Variants in MDGA2 observed in about 807,000 individuals in gnomAD.
MDGA2 encodes the protein MAM domain containing glycosylphosphatidylinositol anchor 2, also known as MAM domain-containing glycosylphosphatidylinositol anchor protein 2.
A neutral mutation model predicts 117.8 loss-of-function variants in MDGA2; 40 were observed. That is an observed-to-expected ratio of 0.34 (90% CI 0.26 to 0.44). The LOEUF (loss-of-function observed/expected upper bound fraction) is 0.44. Ranked by LOEUF, MDGA2 falls within the 20% of genes least tolerant of loss-of-function variation. The probability of loss-of-function intolerance (pLI) is 1.00; values close to 1 mark genes in which losing one functional copy is unlikely to be tolerated. For synonymous variants in MDGA2, 452 were observed against 439.0 expected (o/e 1.03, Z -0.37); for missense variants, 1,123 against 1,250.6 (o/e 0.90, Z 1.54).
intron 1 of MDGA2, among the ~76,000 whole-genome samples, chr14:47,658,000 C>A (rs879516107): frequency 6.6e-6 from 1 of 152,084 alleles, no homozygotes. Context: ...ATGTAGGGTA[C>A]CTGTGCTTCC....
intron 2 of MDGA2, among the ~76,000 whole-genome samples, chr14:47,236,227 CT>C (rs1418681664): frequency 7.2e-6 from 1 of 138,174 alleles, no homozygotes; most frequent in Non-Finnish European, 1.5e-5. Flanking sequence ...GGAGGCGGAG[CT>C]TGCAGTGAGC....
intron 8 of MDGA2, among the ~76,000 whole-genome samples, chr14:47,005,367 C>T (rs756830664): frequency 1.3e-5 from 2 of 151,522 alleles, no homozygotes; most frequent in Non-Finnish European, 3.0e-5. Flanking sequence ...TTGAAAGAAG[C>T]ATACGGATTT....
intron 7 of MDGA2, among the ~76,000 whole-genome samples, chr14:47,044,676 T>C (rs929175050): frequency 2.6e-5 from 4 of 152,166 alleles, no homozygotes; most frequent in East Asian, 3.8e-4. Flanking sequence ...ACCTCACACA[T>C]AGTAAATCAG....
chr14:47,312,677 G>GTTTTTTTT (rs202227321), intron 1 of MDGA2, among the ~76,000 whole-genome samples: 15 of 126,766 alleles, frequency 1.2e-4, no homozygotes, highest in African/African-American at 4.5e-4. Flanking sequence ...CTAGTTTTTA[G>GTTTTTTTT]TTTTTTTTTT....
intron 1 of MDGA2, among the ~76,000 whole-genome samples, chr14:47,531,760 T>C (rs1230825660): frequency 6.6e-6 from 1 of 152,218 alleles, no homozygotes; most frequent in African/African-American, 2.4e-5. Context: ...ATTTACCCTT[T>C]GAAATTAAGG....
chr14:47,583,178 G>A (rs1214593478), intron 1 of MDGA2, among the ~76,000 whole-genome samples: 1 of 151,866 alleles, frequency 6.6e-6, no homozygotes, highest in Non-Finnish European at 1.5e-5. Flanking sequence ...AACAGACAAT[G>A]TGCAAGTAAA....
At chr14:46,985,732 C>T (rs748687033) in intron 8 of MDGA2, among the ~76,000 whole-genome samples, 3 of 152,096 alleles carry the variant, frequency 2.0e-5, no homozygotes, top group Non-Finnish European at 2.9e-5. Flanking sequence ...AGGACGGTAA[C>T]ATCTACTGAT....
chr14:47,232,517 T>C (rs1273624524), intron 2 of MDGA2, among the ~76,000 whole-genome samples: 3 of 152,090 alleles, frequency 2.0e-5, no homozygotes, highest in East Asian at 3.9e-4. Context: ...TTGTCTGCAA[T>C]TGAACCCTGA....
Position 47,068,866 on chromosome 14 carries a change from G to A in MDGA2, c.1196-7288C>T, listed in dbSNP as rs192754304. Among the ~76,000 whole-genome samples, 811 of 152,152 alleles carry A rather than the reference G, an allele frequency of 5.3e-3. 3 individuals carry two copies. The highest frequency in any genetic ancestry group is 8.2e-3 in the Non-Finnish European group (557 of 67,994). ...AGACTAACTTAATCTAAAATCTTTC[G>A]TTACCTTTCTTGAGCTTTTTTGTTT... On this transcript the variant is annotated intron_variant, in intron 6 of 16. Transcript: ENST00000399232.
intron 9 of MDGA2, among the ~76,000 whole-genome samples, chr14:46,942,687 A>T (rs1159196841): frequency 6.6e-6 from 1 of 152,024 alleles, no homozygotes; most frequent in African/African-American, 2.4e-5. Context: ...GGTTCTTTTC[A>T]CTCGACATTG....
chr14:46,905,103 G>A (rs1166348886), intron 10 of MDGA2, among the ~76,000 whole-genome samples: 2 of 152,150 alleles, frequency 1.3e-5, no homozygotes, highest in Non-Finnish European at 2.9e-5. Context: ...GTACCTAGAT[G>A]ATTATCTTTT....
At chr14:47,665,947 C>T (rs112912008) in intron 1 of MDGA2, among the ~76,000 whole-genome samples, 25,017 of 151,094 alleles carry the variant, frequency 0.17, 2,121 homozygotes, top group East Asian at 0.25. Flanking sequence ...GGAGTGCGGG[C>T]GCACCACACA....
At chr14:47,268,086 T>A (rs908464841) in intron 2 of MDGA2, among the ~76,000 whole-genome samples, 5 of 152,030 alleles carry the variant, frequency 3.3e-5, no homozygotes, top group Admixed American at 6.6e-5. Context: ...TTTTTTTTTT[T>A]TTTGAGACAG....
At chr14:47,169,532 T>A (rs1884033821) in intron 3 of MDGA2, among the ~76,000 whole-genome samples, 1 of 151,962 alleles carries the variant, frequency 6.6e-6, no homozygotes, top group Non-Finnish European at 1.5e-5. Flanking sequence ...TATTTATTGG[T>A]AACCAGTAAT....
chr14:46,956,234 T>C (rs1414118590), intron 9 of MDGA2, among the ~76,000 whole-genome samples: 2 of 152,122 alleles, frequency 1.3e-5, no homozygotes, highest in Admixed American at 6.6e-5. Context: ...CCAGTTTCTT[T>C]TTTTTACTAC....
At chr14:47,426,867 T>C (rs1176764129) in intron 1 of MDGA2, among the ~76,000 whole-genome samples, 1 of 151,680 alleles carries the variant, frequency 6.6e-6, no homozygotes, top group Non-Finnish European at 1.5e-5. Flanking sequence ...AGGACATTTA[T>C]AATATACTGC....
At chr14:46,959,327 T>A (rs1885699827) in intron 8 of MDGA2, among the ~76,000 whole-genome samples, 1 of 148,914 alleles carries the variant, frequency 6.7e-6, no homozygotes, top group African/African-American at 2.5e-5. Flanking sequence ...ATATATATAG[T>A]CTAACATTAT....
chr14:47,301,055 C>T (rs17739774), intron 2 of MDGA2, among the ~76,000 whole-genome samples: 14,925 of 152,120 alleles, frequency 0.098, 1,348 homozygotes, highest in Admixed American at 0.29. Context: ...TCATGTTCCA[C>T]GTTTTAAAAT....
At chr14:47,511,791 G>A (rs1398560337) in intron 1 of MDGA2, among the ~76,000 whole-genome samples, 2 of 152,138 alleles carry the variant, frequency 1.3e-5, no homozygotes, top group Non-Finnish European at 2.9e-5. Context: ...AACTGGTAAA[G>A]CAGCCAGTTC....
Sources: gnomAD v4.1 joint callset for allele counts (sites outside exome capture counted in the v4.1 genomes callset) on GRCh38, gnomAD v4.1.1 for gene constraint, MANE v1.5 for transcripts, NCBI Gene and HGNC (gene_info 2026-07-23, HGNC 2026-07-21) for gene names.